The following PARK7 variants were observed in gnomAD, a reference collection of about 807,000 sequenced individuals.
PARK7 encodes the protein Parkinsonism associated deglycase, also known as Parkinson disease protein 7.
PARK7 carries 14 observed loss-of-function variants against 20.5 expected under a neutral mutation model. The ratio of observed to expected loss-of-function variants is 0.68; its 90% CI spans 0.45 to 1.07. PARK7 has a LOEUF of 1.07. Among genes scored for constraint, PARK7 ranks in the 50% least tolerant of loss-of-function variants. PARK7 has a pLI of 0.00. For synonymous variants in PARK7, 98 were observed against 84.3 expected (o/e 1.16, Z -0.89); for missense variants, 234 against 238.1 (o/e 0.98, Z 0.11).
At chr1:7,972,371 G>A (rs2151433245) in intron 5 of PARK7, among the ~76,000 whole-genome samples, 1 of 152,300 alleles carries the variant, frequency 6.6e-6, no homozygotes, top group East Asian at 1.9e-4. Context: ...AGGAGGCTGA[G>A]ATGGGAGGAT....
In PARK7 at chr1:7,976,780, G is replaced by C. The variant is rs573266802; in HGVS notation, c.323-872G>C. On this transcript the variant is annotated intron_variant, in intron 5 of 6. Coordinates refer to ENST00000338639, the MANE Select transcript of PARK7 (RefSeq NM_007262.5). ...CTGTCGCCCAGGCTGGAGTGCAGTG[G>C]CACGATCTTGGCTCACTGAAAGCTC... Among the ~76,000 whole-genome samples, 6 of 152,286 alleles carry C rather than the reference G, an allele frequency of 3.9e-5. No homozygotes were observed. In the South Asian group the frequency reaches 1.2e-3, roughly 32 times the overall value.
At chr1:7,965,949 A>G (rs1281612875) in intron 3 of PARK7, among the ~76,000 whole-genome samples, 4 of 152,182 alleles carry the variant, frequency 2.6e-5, no homozygotes, top group Non-Finnish European at 5.9e-5. Context: ...AGCTCGGACT[A>G]CAGGCATGTG....
intron 3 of PARK7, among the ~76,000 whole-genome samples, chr1:7,967,741 G>A (rs1369587280): frequency 1.3e-5 from 2 of 151,710 alleles, no homozygotes; most frequent in African/African-American, 4.8e-5. Flanking sequence ...GCAATGAAGC[G>A]AGACCCTGTC....
intron 5 of PARK7, among the ~76,000 whole-genome samples, chr1:7,976,266 C>T (rs554422516): frequency 1.3e-5 from 2 of 152,286 alleles, no homozygotes; most frequent in South Asian, 2.1e-4. Context: ...TGTTCTGAAA[C>T]GTATCCTTCT....
At chr1:7,983,251 G>T (rs988178188) in intron 6 of PARK7, among the ~76,000 whole-genome samples, 1 of 152,220 alleles carries the variant, frequency 6.6e-6, no homozygotes, top group African/African-American at 2.4e-5. Flanking sequence ...CGCACTGAGC[G>T]GTGGTGACCA....
chr1:7,979,955 C>T (rs533842949), intron 6 of PARK7, among the ~76,000 whole-genome samples: 2 of 152,122 alleles, frequency 1.3e-5, no homozygotes, highest in South Asian at 4.2e-4. Flanking sequence ...GTCAGGAGAT[C>T]GAGACCATCC....
Position 7,969,355 on chromosome 1 carries a change from A to T in PARK7, c.203A>T (p.Asp68Val), listed in dbSNP as rs753722802. ...LEDAKKEGPY[D>V]VVVLPGGNLG... ...TTTAAACTGTTACAGGGACCATATGATGTGGTGGTTCTACCAGGAGGTAAT... is the reference window on the plus strand; with the variant it reads ...TTTAAACTGTTACAGGGACCATATGTTGTGGTGGTTCTACCAGGAGGTAAT... Residue 68 changes from aspartate to valine, a missense_variant, in exon 4 of 7, where the codon GAT becomes GTT. Transcript: ENST00000338639. 3.7e-6 allele frequency: 6 copies of T among 1,603,400 alleles called. No homozygotes were observed. Among genetic ancestry groups the T allele is most frequent in the Non-Finnish European group, 4.3e-6 (5 of 1,172,218 alleles).
chr1:7,971,726 A>C (rs1640469699), intron 5 of PARK7: 1 of 152,264 alleles, frequency 6.6e-6, no homozygotes, highest in Non-Finnish European at 1.5e-5. Flanking sequence ...TGAGGTCAGG[A>C]GTTCAAGACC....
chr1:7,985,108 C>T lies in PARK7; in HGVS notation c.*54C>T, dbSNP rs1640793700. The T allele has an allele frequency of 6.3e-7, 1 of 1,590,378 alleles. No homozygotes were observed. The highest frequency in any genetic ancestry group is 1.8e-5 in the Admixed American group (1 of 55,784). On this transcript the variant is annotated 3_prime_UTR_variant, in exon 7 of 7. Transcript: ENST00000338639. ...AAACAGGCCGTTAGGAATCCATTCTCACTGTGTTCGCTCTAAACAAAACAG... is the reference window on the plus strand; with the variant it reads ...AAACAGGCCGTTAGGAATCCATTCTTACTGTGTTCGCTCTAAACAAAACAG...
intron 1 of PARK7, chr1:7,962,180 G>A (rs1283186633): frequency 6.5e-6 from 1 of 153,414 alleles, no homozygotes; most frequent in African/African-American, 2.4e-5. Context: ...AGAGACAGAT[G>A]TAGTTGGGTT....
chr1:7,962,650 T>C, intron 1 of PARK7, 113 bp from the exon 2 acceptor site: 1 of 673,810 alleles, frequency 1.5e-6, no homozygotes, highest in Non-Finnish European at 2.6e-6. Context: ...ATGAAAACCG[T>C]TTCCCTAGGA....
intron 6 of PARK7, among the ~76,000 whole-genome samples, chr1:7,981,074 T>TAA (rs1640699774): frequency 6.6e-6 from 1 of 152,154 alleles, no homozygotes; most frequent in Non-Finnish European, 1.5e-5. Context: ...TGATTCCGTT[T>TAA]CTCATTTGTC....
chr1:7,970,408 T>G (rs1246597495), intron 4 of PARK7, among the ~76,000 whole-genome samples: 1 of 152,122 alleles, frequency 6.6e-6, no homozygotes, highest in Non-Finnish European at 1.5e-5. Flanking sequence ...GAATGGCAAA[T>G]GCCATCAGCA....
At chr1:7,964,221 T>C (rs1319238355) in intron 2 of PARK7, among the ~76,000 whole-genome samples, 1 of 152,202 alleles carries the variant, frequency 6.6e-6, no homozygotes, top group East Asian at 1.9e-4. Flanking sequence ...TAGAACTAAC[T>C]CTGTGCCAGG....
chr1:7,964,784 T>G (rs1640290838), intron 2 of PARK7, among the ~76,000 whole-genome samples: 1 of 152,220 alleles, frequency 6.6e-6, no homozygotes, highest in East Asian at 1.9e-4. Context: ...TTTCGTTGTT[T>G]GGACTTGCAT....
At position 7,984,780 on chromosome 1, in the gene PARK7, G is replaced by A; in HGVS notation, c.410-114G>A. Reference sequence around the variant, plus strand: ...GAGTGCCTAGTAAATGTTTTTGAATGGTTAGCTACAGTGTTGGGTTTATAT... The same window carrying A: ...GAGTGCCTAGTAAATGTTTTTGAATAGTTAGCTACAGTGTTGGGTTTATAT... On this transcript the variant is annotated intron_variant, in intron 6 of 6. Transcript: ENST00000338639. The surrounding 1 kb of genome is among the most constrained non-coding windows in gnomAD (Gnocchi z 4.3). 2 of 1,294,132 alleles carry A rather than the reference G, an allele frequency of 1.5e-6. No homozygotes were observed. The highest frequency in any genetic ancestry group is 2.2e-6 in the Non-Finnish European group (2 of 902,376). 80.2% of individuals were successfully genotyped at this position (1,294,132 alleles called of 1,614,324 possible).
At chr1:7,968,550 C>T (rs1222866402) in intron 3 of PARK7, among the ~76,000 whole-genome samples, 1 of 151,956 alleles carries the variant, frequency 6.6e-6, no homozygotes, top group Non-Finnish European at 1.5e-5. Context: ...GAGTCTTGCT[C>T]TGTTGCCCAG....
chr1:7,977,011 T>C (rs1173517147), intron 5 of PARK7, among the ~76,000 whole-genome samples: 3 of 152,284 alleles, frequency 2.0e-5, no homozygotes, highest in East Asian at 1.9e-4. Context: ...TGAGCCACCG[T>C]GCCCGGCCTA....
intron 6 of PARK7, among the ~76,000 whole-genome samples, chr1:7,980,838 A>G (rs556845091): frequency 2.0e-5 from 3 of 152,008 alleles, no homozygotes; most frequent in East Asian, 1.9e-4. Context: ...CAGATAAGCA[A>G]TCCCATCTGA....
Sources: allele counts gnomAD v4.1 joint callset (sites outside exome capture counted in the v4.1 genomes callset), GRCh38; gene constraint gnomAD v4.1.1; non-coding constraint Gnocchi (gnomAD v3.1); transcripts MANE v1.5; gene names NCBI Gene and HGNC (gene_info 2026-07-23, HGNC 2026-07-21).